Variants in CDH4 observed in about 807,000 individuals in gnomAD.
The protein encoded by CDH4 is cadherin 4.
Under a neutral mutation model 86.0 loss-of-function variants are expected in CDH4, and 33 were observed. That is an observed-to-expected ratio of 0.38 (90% confidence interval 0.29 to 0.51). The LOEUF is 0.51. Among genes scored for constraint, CDH4 ranks in the 20% least tolerant of loss-of-function variants. CDH4 has a pLI of 0.86. For missense variants in CDH4, 1,114 were observed against 1,307.4 expected (o/e 0.85, Z 2.28); for synonymous variants, 555 against 549.4 (o/e 1.01, Z -0.14).
intron 2 of CDH4, among the ~76,000 whole-genome samples, chr20:61,682,321 G>GGGA: frequency 6.6e-6 from 1 of 151,396 alleles, no homozygotes; most frequent in Middle Eastern, 3.2e-3. Context: ...TGGAAGGAGA[G>GGGA]AGGGAGGGAG....
At chr20:61,897,367 C>T (rs1396816928) in intron 8 of CDH4, among the ~76,000 whole-genome samples, 1 of 152,102 alleles carries the variant, frequency 6.6e-6, no homozygotes, top group Admixed American at 6.6e-5. Context: ...AAGGCAGAGG[C>T]CCTTCTAGAC....
At chr20:61,398,184 A>T (rs1431701261) in intron 2 of CDH4, among the ~76,000 whole-genome samples, 1 of 152,114 alleles carries the variant, frequency 6.6e-6, no homozygotes, top group Admixed American at 6.5e-5. Flanking sequence ...TTGATAATGT[A>T]CCTCCAAAGA....
intron 2 of CDH4, among the ~76,000 whole-genome samples, chr20:61,675,207 C>T (rs1039890566): frequency 3.3e-5 from 5 of 152,206 alleles, no homozygotes; most frequent in Admixed American, 6.5e-5. Context: ...CAGGGTTAGA[C>T]GGTGTTGTGC....
In CDH4 at chr20:61,929,561, A is replaced by G. The variant is rs201431033; in HGVS notation, c.2006-48A>G. On this transcript the variant is annotated intron_variant, in intron 12 of 15. Coordinates refer to ENST00000614565, the MANE Select transcript of CDH4 (RefSeq NM_001794.5). Reference sequence around the variant, plus strand: ...CTTTTCCTTTGGACGTCTTGCTTGGAAGCGAGGGCCGGGCTCTGGTTGAAT... The same window carrying G: ...CTTTTCCTTTGGACGTCTTGCTTGGGAGCGAGGGCCGGGCTCTGGTTGAAT... 1,894 of 1,454,040 alleles carry G rather than the reference A, an allele frequency of 1.3e-3. 2 individuals carry two copies. Among genetic ancestry groups the G allele is most frequent in the Middle Eastern group, 1.7e-3 (10 of 5,744 alleles). 90.1% of individuals were successfully genotyped at this position (1,454,040 alleles called of 1,614,324 possible). A position where few individuals can be genotyped will look rare whatever the true frequency, so the allele number is the denominator to read the frequency against.
At chr20:61,459,834 A>C (rs2085431853) in intron 2 of CDH4, among the ~76,000 whole-genome samples, 2 of 152,064 alleles carry the variant, frequency 1.3e-5, no homozygotes, top group Admixed American at 1.3e-4. Flanking sequence ...GACTTCTCAG[A>C]AGGCAGCTCC....
intron 2 of CDH4, among the ~76,000 whole-genome samples, chr20:61,735,995 G>A (rs912659405): frequency 6.6e-6 from 1 of 152,152 alleles, no homozygotes; most frequent in Non-Finnish European, 1.5e-5. Context: ...GGGCCCTAAA[G>A]GGGGTGTCTG....
chr20:61,435,603 G>A (rs1222728778), intron 2 of CDH4: 2 of 152,360 alleles, frequency 1.3e-5, no homozygotes, highest in South Asian at 2.1e-4. Context: ...CATCCGGAAT[G>A]GCCAGCCTGG....
At chr20:61,541,183 GTTA>G (rs2086036822) in intron 2 of CDH4, among the ~76,000 whole-genome samples, 1 of 152,128 alleles carries the variant, frequency 6.6e-6, no homozygotes, top group Admixed American at 6.5e-5. Flanking sequence ...ATCTGCCCAG[GTTA>G]TTAATAAAAA....
intron 2 of CDH4, among the ~76,000 whole-genome samples, chr20:61,549,350 A>T (rs1412291323): frequency 6.6e-6 from 1 of 152,128 alleles, no homozygotes; most frequent in Non-Finnish European, 1.5e-5. Context: ...CAAACACCTG[A>T]TGAGGAACAG....
chr20:61,621,540 G>A (rs1315044709), intron 2 of CDH4, among the ~76,000 whole-genome samples: 1 of 152,196 alleles, frequency 6.6e-6, no homozygotes, highest in African/African-American at 2.4e-5. Flanking sequence ...GCCTGCCTCT[G>A]TCAGGCAGGG....
chr20:61,532,966 AG>A (rs1409471011), intron 2 of CDH4, among the ~76,000 whole-genome samples: 1 of 151,948 alleles, frequency 6.6e-6, no homozygotes, highest in Admixed American at 6.6e-5. Flanking sequence ...TTCTTATCTC[AG>A]GCTCAGTTTC....
chr20:61,875,419 G>A (rs974787365), intron 7 of CDH4, among the ~76,000 whole-genome samples: 1 of 152,166 alleles, frequency 6.6e-6, no homozygotes, highest in Non-Finnish European at 1.5e-5. Context: ...ACTCAGACCC[G>A]CACAGCAGAG....
rs142208299 is a variant in CDH4 at position 61,534,212 on chromosome 20, A to T, written c.170-209351A>T. 6.2e-4 allele frequency among the ~76,000 whole-genome samples: 94 copies of T among 152,328 alleles called. 2 individuals carry two copies. The South Asian group carries it at 8.7e-3, about 14-fold the overall frequency. On this transcript the variant is annotated intron_variant, in intron 2 of 15. Transcript: ENST00000614565. ...AATTCTATTTGCACTCTGCTATGGA[A>T]ATATTACTTTGTGGCTTAAAATATG...
At chr20:61,619,908 G>A (rs570308776) in intron 2 of CDH4, among the ~76,000 whole-genome samples, 3 of 152,336 alleles carry the variant, frequency 2.0e-5, no homozygotes, top group East Asian at 3.9e-4. Flanking sequence ...GAGCATCAGC[G>A]CCAGGCACAT....
chr20:61,523,735 G>A lies in CDH4; in HGVS notation c.170-219828G>A, dbSNP rs565093075. 8.2e-4 allele frequency among the ~76,000 whole-genome samples: 125 copies of A among 152,356 alleles called. 1 individual carries two copies. The highest frequency in any genetic ancestry group is 2.6e-3 in the African/African-American group (107 of 41,594). On this transcript the variant is annotated intron_variant, in intron 2 of 15. Transcript: ENST00000614565. ...TAGGGAAGAGACACCACCCGTCTGC[G>A]TCCCCGACCATCAGTGTGGATACCT...
intron 7 of CDH4, among the ~76,000 whole-genome samples, chr20:61,880,777 G>A (rs538739453): frequency 4.4e-4 from 67 of 152,358 alleles, no homozygotes; most frequent in African/African-American, 1.3e-3. Flanking sequence ...TGGGCAGTGC[G>A]TGCTCTGAAG....
intron 2 of CDH4, among the ~76,000 whole-genome samples, chr20:61,591,578 G>A (rs1221825171): frequency 3.9e-5 from 6 of 152,146 alleles, no homozygotes; most frequent in African/African-American, 9.7e-5. Context: ...GATGATTGTG[G>A]ATGTTATTCT....
At chr20:61,405,430 G>A (rs2085076510) in intron 2 of CDH4, among the ~76,000 whole-genome samples, 2 of 151,872 alleles carry the variant, frequency 1.3e-5, no homozygotes, top group South Asian at 2.1e-4. Flanking sequence ...AGCCTCTCCC[G>A]TCCTGTAAAG....
At chr20:61,637,728 C>T (rs2086961600) in intron 2 of CDH4, among the ~76,000 whole-genome samples, 1 of 152,150 alleles carries the variant, frequency 6.6e-6, no homozygotes, top group Non-Finnish European at 1.5e-5. Context: ...AGAAAAATGA[C>T]ATGAAAATAT....
Sources: allele counts gnomAD v4.1 joint callset (sites outside exome capture counted in the v4.1 genomes callset), GRCh38; gene constraint gnomAD v4.1.1; transcripts MANE v1.5; gene names NCBI Gene and HGNC (gene_info 2026-07-23, HGNC 2026-07-21).